Variants in ZBTB37 observed in about 807,000 individuals in gnomAD.
ZBTB37 encodes zinc finger and BTB domain-containing protein 37.
Under a neutral mutation model 37.7 loss-of-function variants are expected in ZBTB37, and 15 were observed. The observed-to-expected ratio is 0.40, with a 90% confidence interval of 0.27 to 0.61. The LOEUF (loss-of-function observed/expected upper bound fraction) is 0.61, where lower values mean the gene tolerates loss of function less well. Ranked by LOEUF, ZBTB37 falls within the 20% of genes least tolerant of loss-of-function variation. The pLI is 0.44. For missense variants in ZBTB37, 514 were observed against 641.9 expected (o/e 0.80, Z 2.15); for synonymous variants, 231 against 220.6 (o/e 1.05, Z -0.42).
Position 173,868,914 on chromosome 1 carries a change from C to G in ZBTB37, c.-225-11C>G, listed in dbSNP as rs1414248371. 6.5e-6 allele frequency: 1 copy of G among 152,736 alleles called. No individual in the cohort carries two copies. Among genetic ancestry groups the G allele is most frequent in the East Asian group, 1.9e-4 (1 of 5,206 alleles). The allele number at this position is 152,736 out of a possible 1,614,324, so 9.5% of individuals were successfully genotyped here. On this transcript the variant is annotated splice_polypyrimidine_tract_variant and intron_variant, in intron 1 of 4. Transcript: ENST00000427304. ...CCAACCCCATGCCGTTCCCAATTCT[C>G]CCTTTTACAGCTCTCACCCCTCCAG...
At chr1:173,878,996 C>T (rs542856804) in intron 4 of ZBTB37, among the ~76,000 whole-genome samples, 1 of 150,536 alleles carries the variant, frequency 6.6e-6, no homozygotes, top group Admixed American at 6.7e-5. Context: ...GAGGCTGAGA[C>T]AGGAGAATCG....
At chr1:173,894,027 A>T (rs576504588) in exon 4 of ZBTB37, 1 of 152,362 alleles carries the variant, frequency 6.6e-6, no homozygotes, top group Non-Finnish European at 1.5e-5. Context: ...CAGGAACAGT[A>T]CTGCTTTTTG....
At chr1:173,896,558 C>G (rs1441916234) in exon 4 of ZBTB37, 2 of 152,148 alleles carry the variant, frequency 1.3e-5, no homozygotes, top group Non-Finnish European at 2.9e-5. Context: ...TAAATGTGGT[C>G]TTAAATTGCA....
At chr1:173,884,060 AAGTC>A (rs1424338682) in intron 4 of ZBTB37, among the ~76,000 whole-genome samples, 2 of 152,194 alleles carry the variant, frequency 1.3e-5, no homozygotes, top group Non-Finnish European at 2.9e-5. Context: ...ATGACTTCAG[AAGTC>A]AGTCATTATT....
intron 4 of ZBTB37, among the ~76,000 whole-genome samples, chr1:173,878,871 A>G (rs9425765): frequency 0.47 from 71,944 of 151,860 alleles, 20,088 homozygotes; most frequent in African/African-American, 0.77. Flanking sequence ...ATCACTTGAC[A>G]TCAGGAGTGA....
intron 3 of ZBTB37, 78 bp downstream of exon 3, chr1:173,871,226 G>A (rs974047237): frequency 7.4e-7 from 1 of 1,351,440 alleles, no homozygotes. Flanking sequence ...GTAGTACAGA[G>A]AGCATTTTCC....
At chr1:173,882,097 T>C (rs1161229487) in intron 4 of ZBTB37, among the ~76,000 whole-genome samples, 2 of 151,852 alleles carry the variant, frequency 1.3e-5, no homozygotes, top group Non-Finnish European at 2.9e-5. Context: ...TTGCCCACTT[T>C]TTGCTGGGGT....
At chr1:173,873,065 T>C (rs1455886989) in intron 3 of ZBTB37, among the ~76,000 whole-genome samples, 2 of 152,006 alleles carry the variant, frequency 1.3e-5, no homozygotes, top group Non-Finnish European at 2.9e-5. Context: ...CTCCATGATC[T>C]ATATCAATAG....
chr1:173,890,351 T>G (rs972261800), downstream of ZBTB37: 10 of 152,226 alleles, frequency 6.6e-5, no homozygotes, highest in South Asian at 2.1e-4. Context: ...GACAAAAGTC[T>G]TCTTCATCAT....
intron 4 of ZBTB37, among the ~76,000 whole-genome samples, chr1:173,881,348 C>CT (rs754914961): frequency 3.9e-5 from 6 of 152,198 alleles, no homozygotes; most frequent in African/African-American, 1.4e-4. Context: ...TTAATCCAGT[C>CT]TATCATTGTG....
At chr1:173,884,016 A>G (rs1557889893) in intron 4 of ZBTB37, among the ~76,000 whole-genome samples, 2 of 152,208 alleles carry the variant, frequency 1.3e-5, no homozygotes, top group African/African-American at 2.4e-5. Context: ...ATTCCCTCCT[A>G]CATATTTAAA....
downstream of ZBTB37, chr1:173,890,269 G>C (rs1019640377): frequency 6.6e-6 from 1 of 152,158 alleles, no homozygotes; most frequent in Non-Finnish European, 1.5e-5. Context: ...GGTGAAAACT[G>C]TATTTATTTT....
exon 4 of ZBTB37, chr1:173,899,232 A>G (rs1197337582): frequency 4.0e-5 from 6 of 151,878 alleles, no homozygotes; most frequent in Admixed American, 1.3e-4. Context: ...TTCTCTGCCT[A>G]TAAGCCATGC....
chr1:173,870,905 C>T (rs532896407), exon 3 of ZBTB37: 50 of 1,614,146 alleles, frequency 3.1e-5, no homozygotes, highest in African/African-American at 2.1e-4. Context: ...ACAGGAGTGG[C>T]GGACCGTGGG....
exon 4 of ZBTB37, chr1:173,896,367 A>G (rs1463915352): frequency 6.6e-6 from 1 of 152,176 alleles, no homozygotes; most frequent in African/African-American, 2.4e-5. Flanking sequence ...CCTTTATGAC[A>G]GAGAAAGCCT....
chr1:173,872,026 A>C (rs1435897974), intron 3 of ZBTB37, among the ~76,000 whole-genome samples: 1 of 152,234 alleles, frequency 6.6e-6, no homozygotes, highest in African/African-American at 2.4e-5. Context: ...ACAGAGATTC[A>C]GTTAGTGTAT....
At chr1:173,896,436 C>G (rs1657050053) in exon 4 of ZBTB37, 1 of 152,204 alleles carries the variant, frequency 6.6e-6, no homozygotes, top group African/African-American at 2.4e-5. Context: ...AAATGTCTCT[C>G]ATTCTCTATT....
exon 4 of ZBTB37, chr1:173,896,220 G>A (rs1572078652): frequency 2.0e-5 from 3 of 152,150 alleles, no homozygotes; most frequent in Admixed American, 6.5e-5. Flanking sequence ...ATAAAGATTA[G>A]GGCAAATTAT....
At chr1:173,877,542 G>A (rs577852879) in intron 4 of ZBTB37, among the ~76,000 whole-genome samples, 135 of 151,920 alleles carry the variant, frequency 8.9e-4, no homozygotes, top group Non-Finnish European at 1.5e-3. Flanking sequence ...CACCACACCC[G>A]GTTAATTTTT....
Sources: allele counts gnomAD v4.1 joint callset (sites outside exome capture counted in the v4.1 genomes callset), GRCh38; gene constraint gnomAD v4.1.1; transcripts MANE v1.5; gene names NCBI Gene and HGNC (gene_info 2026-07-23, HGNC 2026-07-21).